NCK1: variants seen among roughly 807,000 people sequenced by gnomAD.
NCK1 encodes the protein NCK adaptor protein 1.
Under a neutral mutation model 36.6 loss-of-function variants are expected in NCK1, and 19 were observed. The observed-to-expected ratio is 0.52, with a 90% CI of 0.36 to 0.76. NCK1 has a LOEUF of 0.76. Ranked by LOEUF, NCK1 falls within the 30% of genes least tolerant of loss-of-function variation. NCK1 has a pLI of 0.00. For synonymous variants in NCK1, 165 were observed against 156.0 expected (o/e 1.06, Z -0.43); for missense variants, 358 against 445.6 (o/e 0.80, Z 1.77).
intron 1 of NCK1, chr3:136,867,415 T>TC (rs1449042978): frequency 7.1e-6 from 1 of 140,506 alleles, no homozygotes; most frequent in East Asian, 2.1e-4. Context: ...ATTTTTTTTT[T>TC]TTTTTTTTTT....
chr3:136,893,680 T>C (rs1939316423), intron 1 of NCK1, among the ~76,000 whole-genome samples: 1 of 152,214 alleles, frequency 6.6e-6, no homozygotes, highest in South Asian at 2.1e-4. Context: ...CATGAGACTT[T>C]TGATAGAATC....
intron 1 of NCK1, among the ~76,000 whole-genome samples, chr3:136,896,110 C>T (rs899278265): frequency 6.6e-6 from 1 of 152,072 alleles, no homozygotes; most frequent in African/African-American, 2.4e-5. Flanking sequence ...ATATCTATCA[C>T]CTTGAGTATT....
chr3:136,915,913 A>G (rs1299229884), intron 1 of NCK1, among the ~76,000 whole-genome samples: 1 of 151,990 alleles, frequency 6.6e-6, no homozygotes, highest in Non-Finnish European at 1.5e-5. Flanking sequence ...ATTAGTAGAG[A>G]CAGGGTTTCA....
At chr3:136,921,844 C>T (rs1472604389) in intron 1 of NCK1, among the ~76,000 whole-genome samples, 1 of 152,180 alleles carries the variant, frequency 6.6e-6, no homozygotes, top group African/African-American at 2.4e-5. Flanking sequence ...AGTGCAGTGG[C>T]GTGATCTCAG....
At position 136,951,420 on chromosome 3, in the gene NCK1, A is replaced by G. The variant is rs1232687762; in HGVS notation, c.*2967A>G. ...AATTAATTGCCAACATTTAAAAATC[A>G]GGGAGTTTCACATAAAATTCAGACT... is the stretch of plus-strand genomic sequence containing the variant. On this transcript the variant is annotated 3_prime_UTR_variant, in exon 4 of 4. Transcript: ENST00000481752. Among the ~76,000 whole-genome samples the G allele has an allele frequency of 6.6e-6, 1 of 152,230 alleles. No individual in the cohort carries two copies. Among genetic ancestry groups the G allele is most frequent in the East Asian group, 1.9e-4 (1 of 5,198 alleles).
chr3:136,870,655 A>AT (rs1287023911), intron 1 of NCK1, among the ~76,000 whole-genome samples: 23 of 124,076 alleles, frequency 1.9e-4, no homozygotes, highest in Non-Finnish European at 6.6e-5. Flanking sequence ...CAGTTACTTT[A>AT]TTTTTTCTTT....
chr3:136,899,433 T>TTTA lies in NCK1; in HGVS notation c.-18-28551_-18-28550insTTA. The stretch of plus-strand genomic sequence containing the variant: ...TCATTTCTTTTCTTTTTTTTTTTTT[T>TTTA]AAATTTCTTTAACTTTACTTTTTCT... On this transcript the variant is annotated intron_variant, in intron 1 of 3. Coordinates refer to ENST00000481752, the MANE Select transcript of NCK1 (RefSeq NM_001291999.2). 2.5e-5 allele frequency: 7 copies of TTTA among 278,394 alleles called. No individual in the cohort carries two copies. In the East Asian group the frequency reaches 4.8e-4, roughly 19 times the overall value. 17.2% of individuals were successfully genotyped at this position (278,394 alleles called of 1,614,324 possible). A position where few individuals can be genotyped will look rare whatever the true frequency, so the allele number is the denominator to read the frequency against.
At chr3:136,935,790 T>G (rs891863686) in intron 2 of NCK1, among the ~76,000 whole-genome samples, 1 of 152,216 alleles carries the variant, frequency 6.6e-6, no homozygotes, top group African/African-American at 2.4e-5. Context: ...TTAACAGTGT[T>G]GTGCAGCCAT....
intron 2 of NCK1, among the ~76,000 whole-genome samples, chr3:136,931,081 T>C (rs1940378652): frequency 6.6e-6 from 1 of 152,132 alleles, no homozygotes; most frequent in South Asian, 2.1e-4. Context: ...TTTTATTTAA[T>C]TAATGTAGTA....
chr3:136,865,532 T>C (rs929607982), intron 1 of NCK1, among the ~76,000 whole-genome samples: 1 of 152,244 alleles, frequency 6.6e-6, no homozygotes, highest in Non-Finnish European at 1.5e-5. Flanking sequence ...CAGGAAGACT[T>C]GACTTAATGA....
intron 2 of NCK1, 147 bp downstream of exon 2, chr3:136,928,374 A>G: frequency 1.4e-6 from 1 of 698,990 alleles, no homozygotes; most frequent in South Asian, 2.0e-5. Context: ...TGGTCAACCC[A>G]GAAGACCAGT....
rs953955641 is a variant in NCK1 at position 136,950,262 on chromosome 3, T to C, written c.*1809T>C. Among the ~76,000 whole-genome samples the C allele has an allele frequency of 2.0e-4, 30 of 152,246 alleles. No individual in the cohort carries two copies. The highest frequency in any genetic ancestry group is 7.2e-4 in the African/African-American group (30 of 41,564). On this transcript the variant is annotated 3_prime_UTR_variant, in exon 4 of 4. Transcript: ENST00000481752. ...CCCCCAGTCTTCCTTATGAAAAAAA[T>C]GTATGTTTGTAAAAAGAGAACAATT...
At chr3:136,891,213 C>T (rs562283970) in intron 1 of NCK1, among the ~76,000 whole-genome samples, 1 of 152,350 alleles carries the variant, frequency 6.6e-6, no homozygotes, top group African/African-American at 2.4e-5. Context: ...GGCTCATTTG[C>T]AACCTCCGCC....
chr3:136,900,123 C>T, intron 1 of NCK1: 1 of 370,816 alleles, frequency 2.7e-6, no homozygotes, highest in Non-Finnish European at 5.1e-6. Flanking sequence ...TTCTTGTTGG[C>T]TGTAGTGGTG....
rs1347165787 is a variant in NCK1 at position 136,945,790 on chromosome 3, G to T, written c.434G>T (p.Arg145Leu). 6.2e-7 allele frequency: 1 copy of T among 1,614,022 alleles called. No individual in the cohort carries two copies. The highest frequency in any genetic ancestry group is 1.3e-5 in the African/African-American group (1 of 74,916). ...VMEKCSDGWW[R>L]GSYNGQVGWF... ...GAGAAATGCAGTGATGGGTGGTGGC[G>T]TGGTAGCTACAATGGACAAGTTGGA... The change falls in exon 3 of 4, where the codon CGT (arginine) becomes CTT (leucine). Residue 145 changes from arginine to leucine, a missense_variant. This residue lies in a region of NCK1 where 8 missense variants were observed against 29.8 expected (regional missense o/e 0.27). Coordinates refer to ENST00000481752, the MANE Select transcript of NCK1 (RefSeq NM_001291999.2).
intron 1 of NCK1, among the ~76,000 whole-genome samples, chr3:136,882,768 G>A (rs1170589837): frequency 6.6e-6 from 1 of 152,156 alleles, no homozygotes; most frequent in Non-Finnish European, 1.5e-5. Context: ...AGTTCCATTG[G>A]TCAGAACTGA....
chr3:136,899,751 T>C (rs1939490579), intron 1 of NCK1: 1 of 1,142,264 alleles, frequency 8.8e-7, no homozygotes, highest in African/African-American at 1.5e-5. Flanking sequence ...GCCATGTTTT[T>C]CAACTCTTTT....
intron 2 of NCK1, among the ~76,000 whole-genome samples, chr3:136,935,797 C>G (rs1010851165): frequency 6.6e-6 from 1 of 152,054 alleles, no homozygotes; most frequent in Non-Finnish European, 1.5e-5. Flanking sequence ...TGTTGTGCAG[C>G]CATCACTTCT....
chr3:136,893,031 C>T (rs956649818), intron 1 of NCK1, among the ~76,000 whole-genome samples: 3 of 150,164 alleles, frequency 2.0e-5, no homozygotes, highest in East Asian at 2.0e-4. Flanking sequence ...GGAGAATATA[C>T]GATGTTTGGT....
Sources: allele counts gnomAD v4.1 joint callset (sites outside exome capture counted in the v4.1 genomes callset), GRCh38; gene constraint gnomAD v4.1.1; regional missense constraint gnomAD v4.1.1; transcripts MANE v1.5; gene names NCBI Gene and HGNC (gene_info 2026-07-23, HGNC 2026-07-21).